Variants in BNIP1 observed in about 807,000 individuals in gnomAD.
The protein encoded by BNIP1 is vesicle transport protein SEC20.
BNIP1 carries 25 observed loss-of-function variants against 28.5 expected under a neutral mutation model. That is an observed-to-expected ratio of 0.88 (90% CI 0.64 to 1.23). The LOEUF (loss-of-function observed/expected upper bound fraction) is 1.23. Among genes scored for constraint, BNIP1 ranks in the 50% most tolerant of loss-of-function variants. BNIP1 has a pLI of 0.00. For synonymous variants in BNIP1, 118 were observed against 101.7 expected, an observed-to-expected ratio of 1.16 and a Z score of -0.96; for missense variants, 276 against 277.0, an observed-to-expected ratio of 1.00 and a Z score of 0.02.
intron 5 of BNIP1, chr5:173,161,477 CA>C (rs1760359359): frequency 6.6e-6 from 1 of 152,268 alleles, no homozygotes. Flanking sequence ...GGTGTGGCGA[CA>C]GCATACCCCC....
At chr5:173,151,676 T>C in intron 2 of BNIP1, 1 of 1,613,392 alleles carries the variant, frequency 6.2e-7, no homozygotes, top group Non-Finnish European at 8.5e-7. Context: ...ACTCTCCAAC[T>C]ACACCTGTTA....
At chr5:173,150,629 A>T (rs564950054) in intron 2 of BNIP1, among the ~76,000 whole-genome samples, 1 of 152,186 alleles carries the variant, frequency 6.6e-6, no homozygotes, top group African/African-American at 2.4e-5. Flanking sequence ...AAGTATCAAC[A>T]TTCAGTGAAA....
At position 173,163,947 on chromosome 5, in the gene BNIP1, C is replaced by G; in HGVS notation, c.*26C>G. 6.4e-7 allele frequency: 1 copy of G among 1,560,082 alleles called. No individual in the cohort carries two copies. The highest frequency in any genetic ancestry group is 1.9e-5 in the Admixed American group (1 of 53,304). On this transcript the variant is annotated 3_prime_UTR_variant, in exon 6 of 6. Transcript: ENST00000351486. ...GATCCCAAAGGTGCCAGTTCTGGCC[C>G]TTTCAGCTCCTGTTTCAGGATCTGT... is the stretch of plus-strand genomic sequence containing the variant.
chr5:173,158,839 G>C lies in BNIP1; in HGVS notation c.365G>C (p.Arg122Thr). Reference protein sequence around the residue: ...AELLQGGDLLRQRKTTKESLA... With the variant: ...AELLQGGDLLTQRKTTKESLA... ...CTTCTTCAGGGAGGAGATCTCTTAAGGCAAAGGTACCTATTCTTTTATTTT... is the reference window on the plus strand; with the variant it reads ...CTTCTTCAGGGAGGAGATCTCTTAACGCAAAGGTACCTATTCTTTTATTTT... The change falls in exon 4 of 6, where the codon AGG becomes ACG. Residue 122 changes from arginine to threonine, a missense_variant. Arg to Thr is a moderately conservative substitution (Grantham distance 71). Transcript: ENST00000351486. The C allele has an allele frequency of 6.2e-7, 1 of 1,612,218 alleles. No individual in the cohort carries two copies. Among genetic ancestry groups the C allele is most frequent in the Non-Finnish European group, 8.5e-7 (1 of 1,178,596 alleles).
At chr5:173,155,208 G>C (rs568847881) in intron 3 of BNIP1, among the ~76,000 whole-genome samples, 4 of 152,304 alleles carry the variant, frequency 2.6e-5, no homozygotes, top group African/African-American at 7.2e-5. Flanking sequence ...AATTGCAGGT[G>C]TGTGCTAATC....
At chr5:173,150,456 A>C (rs1759982820) in intron 2 of BNIP1, among the ~76,000 whole-genome samples, 1 of 152,110 alleles carries the variant, frequency 6.6e-6, no homozygotes. Flanking sequence ...AATTTTGAAA[A>C]TGTGTAATTT....
intron 2 of BNIP1, among the ~76,000 whole-genome samples, chr5:173,150,430 A>T (rs922299052): frequency 1.3e-5 from 2 of 152,180 alleles, no homozygotes; most frequent in Non-Finnish European, 2.9e-5. Context: ...TGCCTACCTC[A>T]GAGATTTTCA....
chr5:173,164,191 C>T lies in BNIP1; in HGVS notation c.*270C>T. The T allele has an allele frequency of 3.3e-6, 1 of 299,878 alleles. No individual in the cohort carries two copies. Among genetic ancestry groups the T allele is most frequent in the Non-Finnish European group, 6.1e-6 (1 of 163,772 alleles). The allele number at this position is 299,878 out of a possible 1,614,324, so 18.6% of individuals were successfully genotyped here. On this transcript the variant is annotated 3_prime_UTR_variant, in exon 6 of 6. Coordinates refer to ENST00000351486, the MANE Select transcript of BNIP1 (RefSeq NM_001205.3). The surrounding 1 kb of genome is among the most constrained non-coding windows in gnomAD (Gnocchi z 4.0). Reference sequence around the variant, plus strand: ...CATTGTGCACTATGGGAGGCCGCTGCTGCGTGGAGCACTTAAAGTCCAGCC... The same window carrying T: ...CATTGTGCACTATGGGAGGCCGCTGTTGCGTGGAGCACTTAAAGTCCAGCC...
chr5:173,163,670 C>T lies in BNIP1; in HGVS notation c.491-55C>T, dbSNP rs544569469. ...AGCACCCCAGCCAGCAGAGTGAGGT[C>T]TTTGGATCTTGAGCTGCAGTCTCTG... On this transcript the variant is annotated intron_variant, in intron 5 of 5. Transcript: ENST00000351486. 2.1e-4 allele frequency: 310 copies of T among 1,496,036 alleles called. No individual in the cohort carries two copies. The Middle Eastern group carries it at 2.6e-3, about 13-fold the overall frequency. 92.7% of individuals were successfully genotyped at this position (1,496,036 alleles called of 1,614,324 possible). A position where few individuals can be genotyped will look rare whatever the true frequency, so the allele number is the denominator to read the frequency against.
Position 173,154,388 on chromosome 5 carries a change from G to C in BNIP1, c.244G>C (p.Glu82Gln). 6.2e-7 allele frequency: 1 copy of C among 1,613,836 alleles called. No homozygotes were observed. Among genetic ancestry groups the C allele is most frequent in the Non-Finnish European group, 8.5e-7 (1 of 1,179,850 alleles). ...SEKQLLLQEV[E>Q]NHKKQMLSNQ... Reference sequence around the variant, plus strand: ...GAAACAACTTCTACTCCAGGAAGTGGAGAATCACAAAAAGCAGATGCTCAG... The same window carrying C: ...GAAACAACTTCTACTCCAGGAAGTGCAGAATCACAAAAAGCAGATGCTCAG... The change falls in exon 3 of 6, where the codon GAG (glutamate) becomes CAG (glutamine). Residue 82 changes from glutamate (E) to glutamine (Q), a missense_variant. By Grantham distance (29) the Glu-to-Gln change is conservative. Coordinates refer to ENST00000351486, the MANE Select transcript of BNIP1 (RefSeq NM_001205.3).
intron 3 of BNIP1, 91 bp from the exon 4 acceptor site, chr5:173,158,653 G>C (rs1000973071): frequency 1.0e-6 from 1 of 999,248 alleles, no homozygotes; most frequent in East Asian, 2.6e-5. Context: ...GCCTTCTCCC[G>C]TGTGCCTTTG....
Position 173,150,711 on chromosome 5 carries a change from T to C in BNIP1, c.178-3611T>C, listed in dbSNP as rs1581071154. On this transcript the variant is annotated intron_variant, in intron 2 of 5. Coordinates refer to ENST00000351486, the MANE Select transcript of BNIP1 (RefSeq NM_001205.3). ...CAGGTAACCACTTTTGTTACTGATA[T>C]GTCATTCCAGAGTTTCTCTACTCAA... Among the ~76,000 whole-genome samples, 3 of 152,236 alleles carry C rather than the reference T, an allele frequency of 2.0e-5. No individual in the cohort carries two copies. In the South Asian group the frequency reaches 6.2e-4, roughly 32 times the overall value.
chr5:173,148,080 AAAAATATATATATATATATATATAT>A (rs1759901496), intron 2 of BNIP1, among the ~76,000 whole-genome samples: 1 of 49,482 alleles, frequency 2.0e-5, no homozygotes, highest in African/African-American at 9.9e-5. Context: ...AAAAAAAAAA[AAAAATATATATATATATATATATAT>A]ATATATATAT....
At position 173,158,743 on chromosome 5, in the gene BNIP1, G is replaced by C; in HGVS notation, c.270-1G>C. On this transcript the variant is annotated splice_acceptor_variant, in intron 3 of 5. Coordinates refer to ENST00000351486, the MANE Select transcript of BNIP1 (RefSeq NM_001205.3). LOFTEE classifies it high-confidence loss of function. ...CTCACACGTGAACCTTCCAATTCCA[G>C]CAATCAGGCCTCATGGAGGAAAGCT... The C allele has an allele frequency of 6.2e-7, 1 of 1,612,874 alleles. No individual in the cohort carries two copies. Among genetic ancestry groups the C allele is most frequent in the South Asian group, 1.1e-5 (1 of 90,930 alleles).
At chr5:173,161,042 G>A (rs757637302) in intron 5 of BNIP1, 30 of 347,630 alleles carry the variant, frequency 8.6e-5, no homozygotes, top group Non-Finnish European at 1.7e-4. Context: ...ATGGTATCCT[G>A]AATCCCCTGA....
At chr5:173,152,409 G>C (rs1378008399) in intron 2 of BNIP1, among the ~76,000 whole-genome samples, 1 of 151,866 alleles carries the variant, frequency 6.6e-6, no homozygotes, top group Non-Finnish European at 1.5e-5. Context: ...GAGTGCAGTG[G>C]CACGATCTCG....
intron 2 of BNIP1, among the ~76,000 whole-genome samples, chr5:173,152,134 C>T (rs1441941495): frequency 6.6e-6 from 1 of 152,198 alleles, no homozygotes; most frequent in Admixed American, 6.5e-5. Context: ...TCTCCCCCGC[C>T]ATTCCTTTCT....
intron 1 of BNIP1, 132 bp downstream of exon 1, chr5:173,144,761 G>C: frequency 1.1e-6 from 1 of 919,308 alleles, no homozygotes; most frequent in Non-Finnish European, 1.6e-6. Flanking sequence ...CCCATGGTCG[G>C]CTACCCCCCC....
At chr5:173,152,495 GC>G (rs1041532121) in intron 2 of BNIP1, among the ~76,000 whole-genome samples, 1 of 151,934 alleles carries the variant, frequency 6.6e-6, no homozygotes, top group African/African-American at 2.4e-5. Context: ...GATTACAGGC[GC>G]CCGCCACCAC....
Sources: gnomAD v4.1 joint callset for allele counts (sites outside exome capture counted in the v4.1 genomes callset) on GRCh38, gnomAD v4.1.1 for gene constraint, Gnocchi (gnomAD v3.1) non-coding constraint, MANE v1.5 for transcripts, NCBI Gene and HGNC (gene_info 2026-07-23, HGNC 2026-07-21) for gene names.